CIMAP1B: variants seen among roughly 807,000 people sequenced by gnomAD.
CIMAP1B encodes the protein orf2 5' to PD-ECGF/TP.
At chr22:50,532,200 G>T in the CIMAP1B span, 1 of 1,246,558 alleles carries the variant, frequency 8.0e-7, no homozygotes, top group Non-Finnish European at 1.0e-6. Context: ...GCGCGGGGCG[G>T]GGCGGGGCCT....
At chr22:50,531,493 T>C in the CIMAP1B span, 1 of 1,289,450 alleles carries the variant, frequency 7.8e-7, no homozygotes, top group Non-Finnish European at 1.0e-6. Context: ...GACTCGGGGT[T>C]CAGGTCGGGG....
the CIMAP1B span, chr22:50,530,817 T>C: frequency 6.2e-7 from 1 of 1,604,964 alleles, no homozygotes; most frequent in East Asian, 2.2e-5. Context: ...TGTAGACCCC[T>C]GGACTCACGA....
chr22:50,532,256 C>T, the CIMAP1B span: 8 of 872,674 alleles, frequency 9.2e-6, no homozygotes, highest in Non-Finnish European at 1.2e-5. Flanking sequence ...GCTTCCTTCC[C>T]GGCTGTGTGG....
At chr22:50,532,069 C>G in the CIMAP1B span, 1 of 1,365,444 alleles carries the variant, frequency 7.3e-7, no homozygotes, top group Non-Finnish European at 9.5e-7. Context: ...CCCAGGCGTC[C>G]GAGCCCATAG....
At chr22:50,531,292 C>T in the CIMAP1B span, 20 of 1,607,426 alleles carry the variant, frequency 1.2e-5, no homozygotes, top group Non-Finnish European at 1.5e-5. Flanking sequence ...CGGGAAGTAC[C>T]TGCCTGCGGG....
the CIMAP1B span, chr22:50,531,358 A>T: frequency 2.2e-6 from 3 of 1,351,846 alleles, no homozygotes; most frequent in Non-Finnish European, 3.1e-6. Context: ...GGTACCCGAG[A>T]TGGGGTCCTG....
At chr22:50,531,535 G>A in the CIMAP1B span, 1 of 1,400,798 alleles carries the variant, frequency 7.1e-7, no homozygotes. Flanking sequence ...GAGGCAGTTC[G>A]GCGTTGGGGT....
chr22:50,530,789 A>G, the CIMAP1B span: 1 of 1,606,900 alleles, frequency 6.2e-7, no homozygotes, highest in Non-Finnish European at 8.5e-7. Context: ...AGAATCGTGA[A>G]CTGGGGGGCC....
At chr22:50,531,317 T>G in the CIMAP1B span, 1 of 1,582,924 alleles carries the variant, frequency 6.3e-7, no homozygotes, top group Non-Finnish European at 8.6e-7. Flanking sequence ...ATCAAGGGTG[T>G]GGGGGGCTAG....
At chr22:50,532,105 G>A in the CIMAP1B span, 19 of 1,349,888 alleles carry the variant, frequency 1.4e-5, no homozygotes, top group Middle Eastern at 2.8e-4. Context: ...CTTACGGCTC[G>A]CAGCACCTGC....
At chr22:50,531,549 C>A in the CIMAP1B span, 17 of 1,413,934 alleles carry the variant, frequency 1.2e-5, no homozygotes, top group Admixed American at 5.9e-4. Context: ...TTGGGGTGGC[C>A]AGGGGCCCGG....
chr22:50,531,633 C>A, the CIMAP1B span: 27 of 1,383,590 alleles, frequency 2.0e-5, no homozygotes, highest in South Asian at 4.6e-4. Flanking sequence ...TAGGCGGGGG[C>A]GCCGTCGGTG....
chr22:50,532,061 C>G, the CIMAP1B span: 1 of 1,350,266 alleles, frequency 7.4e-7, no homozygotes, highest in Non-Finnish European at 9.6e-7. Context: ...AAGGCCCACC[C>G]AGGCGTCCGA....
chr22:50,530,683 C>T, the CIMAP1B span: 1 of 1,609,010 alleles, frequency 6.2e-7, no homozygotes, highest in Admixed American at 1.7e-5. Flanking sequence ...TCTCCTGACT[C>T]TGACCCTTGA....
the CIMAP1B span, chr22:50,531,406 C>T: frequency 1.8e-6 from 2 of 1,112,404 alleles, no homozygotes; most frequent in East Asian, 5.1e-5. Context: ...TTATCAAAGC[C>T]CCGTGGGGTT....
At chr22:50,531,758 T>C in the CIMAP1B span, 2 of 1,369,774 alleles carry the variant, frequency 1.5e-6, no homozygotes, top group Non-Finnish European at 1.9e-6. Context: ...CCGCGACGGG[T>C]CATGCAGGGC....
the CIMAP1B span, chr22:50,531,875 C>T: frequency 7.6e-7 from 1 of 1,311,430 alleles, no homozygotes. Context: ...CTAGCAGGCA[C>T]GGTTCAGCCC....
the CIMAP1B span, chr22:50,531,374 A>C: frequency 8.0e-7 from 1 of 1,247,466 alleles, no homozygotes; most frequent in South Asian, 1.3e-5. Context: ...TCCTGGGACT[A>C]GTGGGGAGTC....
At chr22:50,532,254 C>T in the CIMAP1B span, 1 of 888,066 alleles carries the variant, frequency 1.1e-6, no homozygotes, top group Non-Finnish European at 1.5e-6. Context: ...GAGCTTCCTT[C>T]CCGGCTGTGT....
Sources: allele counts gnomAD v4.1 joint callset, GRCh38; gene constraint gnomAD v4.1.1; transcripts MANE v1.5; gene names NCBI Gene and HGNC (gene_info 2026-07-23, HGNC 2026-07-21).